CPEB3: variants seen among roughly 807,000 people sequenced by gnomAD.
CPEB3 encodes cytoplasmic polyadenylation element binding protein 3.
CPEB3 carries 20 observed loss-of-function variants against 67.2 expected under a neutral mutation model. That is an observed-to-expected ratio of 0.30 (90% CI 0.21 to 0.43). CPEB3 has a LOEUF of 0.43. CPEB3 is among the 20% of genes least tolerant of loss of function. The pLI, the probability that CPEB3 is intolerant of heterozygous loss-of-function variation, is 1.00. For missense variants in CPEB3, 746 were observed against 968.6 expected, an observed-to-expected ratio of 0.77 and a Z score of 3.05; for synonymous variants, 376 against 393.1, an observed-to-expected ratio of 0.96 and a Z score of 0.51.
At position 92,239,588 on chromosome 10, in the gene CPEB3, G is replaced by T; in HGVS notation, c.763C>A (p.Pro255Thr). 6.4e-7 allele frequency: 1 copy of T among 1,554,652 alleles called. No individual in the cohort carries two copies. Among genetic ancestry groups the T allele is most frequent in the Non-Finnish European group, 8.7e-7 (1 of 1,148,858 alleles). Residue 255 changes from proline (P) to threonine (T), a missense_variant, in exon 2 of 10, where the codon CCG (proline) becomes ACG (threonine). Pro to Thr is a conservative substitution (Grantham distance 38, BLOSUM62 -1). This residue lies in a region of CPEB3 where 643 missense variants were observed against 717.5 expected (regional missense o/e 0.90). Transcript: ENST00000265997. This position sits in a 1 kb window ranked among gnomAD's most constrained non-coding sequence, Gnocchi z 6.0. ...TGCAGGCCGCCCCAGGGGTTGGACG[G>T]TGCGCTCCAGGCTGCATTCACGCTT... ...HQSVNAAWSA[P>T]SNPWGGLQAG...
chr10:92,065,476 C>G (rs1842511273), intron 9 of CPEB3, among the ~76,000 whole-genome samples: 2 of 152,134 alleles, frequency 1.3e-5, no homozygotes, highest in Non-Finnish European at 2.9e-5. Flanking sequence ...CCGCTTTGGC[C>G]TCCCAAAGTG....
chr10:92,290,818 G>A (rs942126366), intron 1 of CPEB3, 108 bp downstream of exon 1: 3 of 152,468 alleles, frequency 2.0e-5, no homozygotes, highest in Admixed American at 6.5e-5. Context: ...CACGGCCGGG[G>A]CCGGGGACCC....
Position 92,213,401 on chromosome 10 carries a change from A to T in CPEB3, c.1006-20765T>A, listed in dbSNP as rs1850189152. Among the ~76,000 whole-genome samples, 4 of 152,176 alleles carry T rather than the reference A, an allele frequency of 2.6e-5. No individual in the cohort carries two copies. In the South Asian group the frequency reaches 8.3e-4, roughly 32 times the overall value. On this transcript the variant is annotated intron_variant, in intron 2 of 9. Transcript: ENST00000265997. ...TCATTAAGTTTAACAAACAGAAACA[A>T]TGATGATCGGTTTGAAAAGGGTAAT...
At position 92,181,685 on chromosome 10, in the gene CPEB3, G is replaced by A. The variant is rs529932558; in HGVS notation, c.1166-666C>T. Among the ~76,000 whole-genome samples the A allele has an allele frequency of 1.1e-4, 17 of 152,272 alleles. No homozygotes were observed. In the South Asian group the frequency reaches 3.1e-3, roughly 28 times the overall value. On this transcript the variant is annotated intron_variant, in intron 3 of 9. Coordinates refer to ENST00000265997, the MANE Select transcript of CPEB3 (RefSeq NM_014912.5). ...CTGACACAGCTGGCTTCCTGTTTTT[G>A]TATGCCTCTGAGTTAAGCATCATTT...
At chr10:92,070,332 A>T (rs1412624178) in intron 9 of CPEB3, among the ~76,000 whole-genome samples, 3 of 152,180 alleles carry the variant, frequency 2.0e-5, no homozygotes, top group African/African-American at 7.2e-5. Context: ...ACTCAGCAAA[A>T]TTTTTTAAAT....
chr10:92,164,178 T>C (rs1847629202), intron 4 of CPEB3, among the ~76,000 whole-genome samples: 1 of 152,176 alleles, frequency 6.6e-6, no homozygotes, highest in Non-Finnish European at 1.5e-5. Context: ...CAGCTATCAT[T>C]ATACACATTT....
intron 7 of CPEB3, among the ~76,000 whole-genome samples, chr10:92,106,814 C>CAAAAAAAAAAAAAAAAAAAAAAAAAA (rs531195477): frequency 2.7e-4 from 15 of 55,992 alleles, no homozygotes; most frequent in Middle Eastern, 0.011. Context: ...GACTCTGTCT[C>CAAAAAAAAAAAAAAAAAAAAAAAAAA]AAAAAAAAAA....
At chr10:92,101,158 T>C (rs1844167090) in intron 7 of CPEB3, among the ~76,000 whole-genome samples, 1 of 152,158 alleles carries the variant, frequency 6.6e-6, no homozygotes, top group African/African-American at 2.4e-5. Context: ...GTGTCAACAG[T>C]GCAATCAGGT....
intron 2 of CPEB3, among the ~76,000 whole-genome samples, chr10:92,230,829 A>G (rs1851232318): frequency 1.3e-5 from 2 of 152,200 alleles, no homozygotes; most frequent in Admixed American, 6.6e-5. Flanking sequence ...AAAGCCTCCT[A>G]TAAGTTATGG....
At chr10:92,268,130 TAA>T (rs1369698874) in intron 1 of CPEB3, among the ~76,000 whole-genome samples, 1 of 152,146 alleles carries the variant, frequency 6.6e-6, no homozygotes, top group Non-Finnish European at 1.5e-5. Context: ...TAAATTTTAT[TAA>T]GTTTGATGGA....
chr10:92,268,931 C>A (rs1442790910), intron 1 of CPEB3, among the ~76,000 whole-genome samples: 1 of 152,052 alleles, frequency 6.6e-6, no homozygotes, highest in African/African-American at 2.4e-5. Context: ...AATACACTTG[C>A]AATGAAATGG....
intron 3 of CPEB3, 124 bp from the exon 4 acceptor site, chr10:92,181,143 A>C: frequency 1.8e-6 from 1 of 556,806 alleles, no homozygotes; most frequent in Non-Finnish European, 3.1e-6. Context: ...TCAAAGGCCA[A>C]AGCAGTTACA....
Position 92,240,276 on chromosome 10 carries a change from C to A in CPEB3, c.75G>T (p.Gln25His). 6.6e-7 allele frequency: 1 copy of A among 1,511,518 alleles called. No homozygotes were observed. Among genetic ancestry groups the A allele is most frequent in the Non-Finnish European group, 8.9e-7 (1 of 1,128,186 alleles). 93.6% of individuals were successfully genotyped at this position (1,511,518 alleles called of 1,614,324 possible). Residue 25 changes from glutamine (Q) to histidine (H), a missense_variant, in exon 2 of 10, where the codon CAG becomes CAT. By Grantham distance (24) the Gln-to-His change is conservative (BLOSUM62 0). Transcript: ENST00000265997. The stretch of plus-strand genomic sequence containing the variant: ...CGGATACGCTGGACTCAGGTTGGGG[C>A]TGCTGCTGCTGCCGCTGCTGCTGCT... The part of the protein sequence containing the change: ...QPQQQQRQQQ[Q>H]PQPESSVSEA...
chr10:92,220,180 C>A (rs1590425895), intron 2 of CPEB3, among the ~76,000 whole-genome samples: 1 of 151,906 alleles, frequency 6.6e-6, no homozygotes, highest in East Asian at 1.9e-4. Flanking sequence ...CCACCCAGCC[C>A]CAAATCTTCT....
intron 9 of CPEB3, among the ~76,000 whole-genome samples, chr10:92,055,752 A>G (rs906679732): frequency 6.6e-6 from 1 of 152,170 alleles, no homozygotes; most frequent in Non-Finnish European, 1.5e-5. Context: ...GGTGAAAAAA[A>G]AATTAGGCTG....
intron 9 of CPEB3, among the ~76,000 whole-genome samples, chr10:92,080,564 C>T (rs1843107508): frequency 6.6e-6 from 1 of 151,882 alleles, no homozygotes; most frequent in South Asian, 2.1e-4. Flanking sequence ...CTATTTGACT[C>T]CAATGATTGC....
At chr10:92,134,074 A>C (rs1239843019) in intron 6 of CPEB3, among the ~76,000 whole-genome samples, 2 of 152,236 alleles carry the variant, frequency 1.3e-5, no homozygotes, top group African/African-American at 4.8e-5. Context: ...CTGAATGGGA[A>C]AAACTGGAAG....
At chr10:92,279,386 C>T (rs762306286) in intron 1 of CPEB3, among the ~76,000 whole-genome samples, 3 of 152,168 alleles carry the variant, frequency 2.0e-5, no homozygotes, top group Admixed American at 6.5e-5. Flanking sequence ...AATTATATTC[C>T]TATTTGTTTG....
Position 92,275,843 on chromosome 10 carries a change from TTC to T in CPEB3, c.-12+15081_-12+15082del, listed in dbSNP as rs1224153078. Among the ~76,000 whole-genome samples the T allele has an allele frequency of 9.1e-4, 107 of 116,964 alleles. 2 individuals carry two copies. Among genetic ancestry groups the T allele is most frequent in the Admixed American group, 3.4e-3 (38 of 11,336 alleles). The allele number at this position is 116,964 out of a possible 152,430, so 76.7% of individuals were successfully genotyped here. On this transcript the variant is annotated intron_variant, in intron 1 of 9. Transcript: ENST00000265997. ...TAGCATGTATCAGTACTTCATTCTT[TTC>T]TTTTTTTTTTTTTTTTTTTTTGAGA...
Sources: allele counts gnomAD v4.1 joint callset (sites outside exome capture counted in the v4.1 genomes callset), GRCh38; gene constraint gnomAD v4.1.1; regional missense constraint gnomAD v4.1.1; non-coding constraint Gnocchi (gnomAD v3.1); transcripts MANE v1.5; gene names NCBI Gene and HGNC (gene_info 2026-07-23, HGNC 2026-07-21).